Variants in CLIP3 observed in about 807,000 individuals in gnomAD.
CLIP3 encodes the protein CAP-Gly domain containing linker protein 3, also known as CAP-Gly domain-containing linker protein 3.
Under a neutral mutation model 59.4 loss-of-function variants are expected in CLIP3, and 15 were observed. The ratio of observed to expected loss-of-function variants is 0.25; its 90% CI spans 0.17 to 0.39. CLIP3 has a LOEUF of 0.39. Among genes scored for constraint, CLIP3 ranks in the 10% least tolerant of loss-of-function variants. The pLI is 1.00. For synonymous variants in CLIP3, 300 were observed against 321.6 expected, an observed-to-expected ratio of 0.93 and a Z score of 0.72; for missense variants, 495 against 765.7, an observed-to-expected ratio of 0.65 and a Z score of 4.17.
At position 36,026,090 on chromosome 19, in the gene CLIP3, G is replaced by A; in HGVS notation, c.681+57C>T. Reference sequence around the variant, plus strand: ...GGGAAACGCAGAGACCTGCTGGAGGGAAGTGGGGGAGGAAGGGAGCAGGAG... The same window carrying A: ...GGGAAACGCAGAGACCTGCTGGAGGAAAGTGGGGGAGGAAGGGAGCAGGAG... On this transcript the variant is annotated intron_variant, in intron 6 of 13. Transcript: ENST00000360535. The surrounding 1 kb of genome is among the most constrained non-coding windows in gnomAD (Gnocchi z 6.3). 7.6e-7 allele frequency: 1 copy of A among 1,322,118 alleles called. No individual in the cohort carries two copies. The highest frequency in any genetic ancestry group is 2.3e-5 in the East Asian group (1 of 42,940). 81.9% of individuals were successfully genotyped at this position (1,322,118 alleles called of 1,614,324 possible).
chr19:36,030,995 C>CTTTTTTTTTTTTTTTTTTTTTTT (rs1263492540), intron 2 of CLIP3, among the ~76,000 whole-genome samples: 1 of 113,342 alleles, frequency 8.8e-6, no homozygotes, highest in African/African-American at 3.3e-5. Context: ...TTTCTTTTTT[C>CTTTTTTTTTTTTTTTTTTTTTTT]TTTTTTTCTT....
At chr19:36,024,270 G>T in intron 7 of CLIP3, 126 bp downstream of exon 7, 1 of 729,394 alleles carries the variant, frequency 1.4e-6, no homozygotes. Flanking sequence ...AGTACTGGGT[G>T]GATAGTTAGG....
intron 2 of CLIP3, among the ~76,000 whole-genome samples, chr19:36,027,985 G>C (rs1969157606): frequency 6.6e-6 from 1 of 151,910 alleles, no homozygotes; most frequent in Admixed American, 6.6e-5. Context: ...AGCCATGATT[G>C]TGCCACTACA....
chr19:36,019,658 A>G (rs1968905046), intron 7 of CLIP3, among the ~76,000 whole-genome samples: 2 of 148,884 alleles, frequency 1.3e-5, no homozygotes, highest in African/African-American at 2.5e-5. Context: ...GCTCGAGTGC[A>G]GTGGCACGAT....
chr19:36,026,132 C>A lies in CLIP3; in HGVS notation c.681+15G>T. ...GAGCAGGAGGGTAACGGGTTCTGGG[C>A]AAGGGTGGCAGTACCCTCAGCGCAG... On this transcript the variant is annotated intron_variant, in intron 6 of 13. Transcript: ENST00000360535. The surrounding 1 kb of genome is among the most constrained non-coding windows in gnomAD (Gnocchi z 6.3). 1 of 1,600,362 alleles carries A rather than the reference C, an allele frequency of 6.2e-7. No individual in the cohort carries two copies. Among genetic ancestry groups the A allele is most frequent in the Non-Finnish European group, 8.6e-7 (1 of 1,168,428 alleles).
intron 7 of CLIP3, among the ~76,000 whole-genome samples, chr19:36,019,602 TATTTA>T (rs1395615288): frequency 7.8e-5 from 8 of 102,514 alleles, no homozygotes; most frequent in East Asian, 7.3e-4. Context: ...TTATTTATTT[TATTTA>T]TTTTTTTTTT....
chr19:36,017,542 T>TGGGGGCTC, intron 11 of CLIP3, 92 bp from the exon 12 acceptor site: 1 of 1,598,848 alleles, frequency 6.3e-7, no homozygotes, highest in Non-Finnish European at 8.6e-7. Flanking sequence ...AGGAAAGGGC[T>TGGGGGCTC]GGGGGCTCGG....
rs765216233 is a variant in CLIP3 at position 36,026,299 on chromosome 19, G to A, written c.563-34C>T. 2 of 1,550,318 alleles carry A rather than the reference G, an allele frequency of 1.3e-6. No homozygotes were observed. The highest frequency in any genetic ancestry group is 3.4e-5 in the Admixed American group (2 of 59,542). ...GGGCAAGAGGAGGGGTTCCGGGTGA[G>A]CGCCTGTGGGACCCCAGCCCTCCTC... is the stretch of plus-strand genomic sequence containing the variant. On this transcript the variant is annotated intron_variant, in intron 5 of 13. Transcript: ENST00000360535. This position sits in a 1 kb window ranked among gnomAD's most constrained non-coding sequence, Gnocchi z 6.3.
chr19:36,028,407 G>C (rs1030053105), intron 2 of CLIP3, among the ~76,000 whole-genome samples: 8 of 152,156 alleles, frequency 5.3e-5, no homozygotes, highest in African/African-American at 1.9e-4. Flanking sequence ...GAATCAACCT[G>C]TGCCCAGCCA....
At position 36,026,881 on chromosome 19, in the gene CLIP3, G is replaced by C. The variant is rs1969128528; in HGVS notation, c.400+71C>G. 1.3e-6 allele frequency: 2 copies of C among 1,524,334 alleles called. No homozygotes were observed. Among genetic ancestry groups the C allele is most frequent in the Middle Eastern group, 2.3e-4 (1 of 4,384 alleles). The allele number at this position is 1,524,334 out of a possible 1,614,324, so 94.4% of individuals were successfully genotyped here. ...GTTCCAGATGGGGCCTGAGTTCTGGGTGGTTTTCAGCGTGTTGGGTCTGGG... is the reference window on the plus strand; with the variant it reads ...GTTCCAGATGGGGCCTGAGTTCTGGCTGGTTTTCAGCGTGTTGGGTCTGGG... On this transcript the variant is annotated intron_variant, in intron 4 of 13. Coordinates refer to ENST00000360535, the MANE Select transcript of CLIP3 (RefSeq NM_015526.3). This position sits in a 1 kb window ranked among gnomAD's most constrained non-coding sequence, Gnocchi z 6.3.
In CLIP3 at chr19:36,032,173, G is replaced by A; in HGVS notation, c.166+19C>T. ...ACCCAACGCTCCAGGCCAGATTCCA[G>A]GGTGGGGACAGTGGTTACCGTAGTC... On this transcript the variant is annotated intron_variant, in intron 2 of 13. Coordinates refer to ENST00000360535, the MANE Select transcript of CLIP3 (RefSeq NM_015526.3). This position sits in a 1 kb window ranked among gnomAD's most constrained non-coding sequence, Gnocchi z 4.3. 2 of 1,242,660 alleles carry A rather than the reference G, an allele frequency of 1.6e-6. No individual in the cohort carries two copies. Among genetic ancestry groups the A allele is most frequent in the Non-Finnish European group, 2.0e-6 (2 of 977,924 alleles). 77.0% of individuals were successfully genotyped at this position (1,242,660 alleles called of 1,614,324 possible). A position where few individuals can be genotyped will look rare whatever the true frequency, so the allele number is the denominator to read the frequency against.
intron 2 of CLIP3, among the ~76,000 whole-genome samples, chr19:36,031,665 C>T (rs931270338): frequency 2.0e-5 from 3 of 152,350 alleles, no homozygotes; most frequent in African/African-American, 7.2e-5. Context: ...GTCTTCTCAA[C>T]TGTAACCTCC....
intron 7 of CLIP3, 44 bp from the exon 8 acceptor site, chr19:36,019,350 AGG>A (rs776951033): frequency 1.7e-5 from 27 of 1,574,986 alleles, no homozygotes; most frequent in Non-Finnish European, 2.1e-5. Flanking sequence ...GAATGCTGGG[AGG>A]CCAACGTGGA....
Position 36,024,563 on chromosome 19 carries a change from C to T in CLIP3, c.751G>A (p.Ala251Thr). ...CGCAGCTCCTTGGCCACCAGTGCCG[C>T]CTCTGCCTTGTCCAGGGACATGTCC... ...PMDMSLDKAE[A>T]ALVAKELRTL... is the part of the protein sequence containing the mutation. The change falls in exon 7 of 14, where the codon GCG (alanine) becomes ACG (threonine). Residue 251 changes from alanine (A) to threonine (T), a missense_variant. Ala to Thr is a moderately conservative substitution (Grantham distance 58, BLOSUM62 0). Transcript: ENST00000360535. The T allele has an allele frequency of 6.2e-7, 1 of 1,614,240 alleles. No homozygotes were observed. The highest frequency in any genetic ancestry group is 8.5e-7 in the Non-Finnish European group (1 of 1,180,038).
At chr19:36,025,693 C>T (rs925842432) in intron 6 of CLIP3, among the ~76,000 whole-genome samples, 3 of 152,114 alleles carry the variant, frequency 2.0e-5, no homozygotes, top group Non-Finnish European at 2.9e-5. Context: ...GGCAGGGTCT[C>T]AGGGGCACAG....
intron 2 of CLIP3, among the ~76,000 whole-genome samples, chr19:36,029,436 T>G (rs1216401642): frequency 6.6e-6 from 1 of 151,284 alleles, no homozygotes; most frequent in Non-Finnish European, 1.5e-5. Flanking sequence ...ACAGTATACA[T>G]CACCATGCCC....
chr19:36,022,302 C>T (rs181684328), intron 7 of CLIP3, among the ~76,000 whole-genome samples: 13 of 152,242 alleles, frequency 8.5e-5, no homozygotes, highest in Admixed American at 1.3e-4. Context: ...TAATTTAAAC[C>T]TCAACCAGCC....
At position 36,026,552 on chromosome 19, in the gene CLIP3, C is replaced by T; in HGVS notation, c.562+34G>A. ...GGTCTCCGCGTCCCTCACCCAGGTC[C>T]TTGCCCCCTCCCAGCCAGGGCTCTC... is the stretch of plus-strand genomic sequence containing the variant. On this transcript the variant is annotated intron_variant, in intron 5 of 13. Transcript: ENST00000360535. The surrounding 1 kb of genome is among the most constrained non-coding windows in gnomAD (Gnocchi z 6.3). 1.2e-6 allele frequency: 2 copies of T among 1,610,818 alleles called. No individual in the cohort carries two copies. The highest frequency in any genetic ancestry group is 1.7e-6 in the Non-Finnish European group (2 of 1,178,474).
chr19:36,031,008 C>CTTTTTTTTTTTTTTTTCTTTTTTT (rs374690845), intron 2 of CLIP3, among the ~76,000 whole-genome samples: 1 of 77,838 alleles, frequency 1.3e-5, no homozygotes, highest in Non-Finnish European at 2.3e-5. Context: ...TTTTTCTTTT[C>CTTTTTTTTTTTTTTTTCTTTTTTT]TTTTTTTTTT....
Sources: allele counts gnomAD v4.1 joint callset (sites outside exome capture counted in the v4.1 genomes callset), GRCh38; gene constraint gnomAD v4.1.1; non-coding constraint Gnocchi (gnomAD v3.1); transcripts MANE v1.5; gene names NCBI Gene and HGNC (gene_info 2026-07-23, HGNC 2026-07-21).